Variants in SUOX observed in about 807,000 individuals in gnomAD.
SUOX encodes sulfite oxidase, mitochondrial.
SUOX carries 39 observed loss-of-function variants against 41.9 expected under a neutral mutation model. That is an observed-to-expected ratio of 0.93 (90% CI 0.72 to 1.21). The LOEUF is 1.21. Among genes scored for constraint, SUOX ranks in the 50% most tolerant of loss-of-function variants. The pLI, the probability that SUOX is intolerant of heterozygous loss-of-function variation, is 0.00. For synonymous variants in SUOX, 220 were observed against 268.4 expected (o/e 0.82, Z 1.76); for missense variants, 633 against 689.5 (o/e 0.92, Z 0.92).
At chr12:56,002,344 C>A in intron 3 of SUOX, 73 bp downstream of exon 3, 1 of 1,560,604 alleles carries the variant, frequency 6.4e-7, no homozygotes, top group Non-Finnish European at 8.8e-7. Flanking sequence ...CAATGTCATA[C>A]CTTGCAAATA....
At position 56,003,690 on chromosome 12, in the gene SUOX, T is replaced by G. The variant is rs753574935; in HGVS notation, c.301T>G (p.Trp101Gly). ...SSHTSPETGI[W>G]VTLGSEVFDV... The stretch of plus-strand genomic sequence containing the variant: ...CCACACCAGCCCTGAGACTGGGATC[T>G]GGGTGACTCTGGGCTCTGAGGTCTT... Residue 101 changes from tryptophan (W) to glycine (G), a missense_variant, in exon 5 of 5, where the codon TGG becomes GGG. Trp to Gly is a radical substitution (Grantham distance 184). Transcript: ENST00000266971. The G allele has an allele frequency of 6.2e-7, 1 of 1,613,464 alleles. No homozygotes were observed. The highest frequency in any genetic ancestry group is 1.1e-5 in the South Asian group (1 of 91,028).
Position 56,005,508 on chromosome 12 carries a change from G to T in SUOX, c.*481G>T, listed in dbSNP as rs1372610066. ...TATAGTTCTACTTTTCTAATAAATA[G>T]TCTGTTTAAGATCATAACTCTTGGG... On this transcript the variant is annotated 3_prime_UTR_variant, in exon 5 of 5. Coordinates refer to ENST00000266971, the MANE Select transcript of SUOX (RefSeq NM_001032386.2). 1 of 341,938 alleles carries T rather than the reference G, an allele frequency of 2.9e-6. No homozygotes were observed. The highest frequency in any genetic ancestry group is 5.3e-6 in the Non-Finnish European group (1 of 188,690). The allele number at this position is 341,938 out of a possible 1,614,324, so 21.2% of individuals were successfully genotyped here.
chr12:56,003,314 T>A (rs894663390), intron 4 of SUOX, among the ~76,000 whole-genome samples: 2 of 150,836 alleles, frequency 1.3e-5, no homozygotes, highest in South Asian at 4.2e-4. Context: ...CAGGCTGGAG[T>A]GCAATGGCAT....
chr12:56,002,579 C>T lies in SUOX; in HGVS notation c.87C>T (p.Ala29=), dbSNP rs1890572848. The change falls in exon 4 of 5, where the codon GCC becomes GCT. Residue 29 remains alanine, a synonymous_variant. Transcript: ENST00000266971. The part of the protein sequence containing the change: ...KSIPSRICIQ[A]CSTNDSFQPQ... The stretch of plus-strand genomic sequence containing the variant: ...TCCCCTCAAGGATCTGCATTCAGGC[C>T]TGCTCCACAAATGATTCATTTCAGC... 3.7e-6 allele frequency: 6 copies of T among 1,614,172 alleles called. No individual in the cohort carries two copies. The highest frequency in any genetic ancestry group is 5.1e-6 in the Non-Finnish European group (6 of 1,180,044).
At chr12:56,003,103 A>C in intron 4 of SUOX, 1 of 297,702 alleles carries the variant, frequency 3.4e-6, no homozygotes, top group Non-Finnish European at 6.5e-6. Context: ...CCAGGCTGTG[A>C]CCCATGTTCT....
Position 56,004,494 on chromosome 12 carries a change from G to T in SUOX, c.1105G>T (p.Val369Phe), listed in dbSNP as rs1890663593. 2 of 1,614,044 alleles carry T rather than the reference G, an allele frequency of 1.2e-6. No individual in the cohort carries two copies. Among genetic ancestry groups the T allele is most frequent in the Non-Finnish European group, 1.7e-6 (2 of 1,180,044 alleles). Residue 369 changes from valine to phenylalanine, a missense_variant, in exon 5 of 5, where the codon GTT becomes TTT. Transcript: ENST00000266971. This position sits in a 1 kb window ranked among gnomAD's most constrained non-coding sequence, Gnocchi z 4.5. ...RDHGFPVRVV[V>F]PGVVGARHVK... ...CCACGGCTTCCCTGTGCGTGTGGTG[G>T]TTCCTGGAGTGGTGGGTGCCCGCCA...
chr12:56,003,880 A>T lies in SUOX; in HGVS notation c.491A>T (p.Asp164Val). 6.2e-7 allele frequency: 1 copy of T among 1,614,038 alleles called. No individual in the cohort carries two copies. Among genetic ancestry groups the T allele is most frequent in the Non-Finnish European group, 8.5e-7 (1 of 1,180,008 alleles). Residue 164 changes from aspartate to valine, a missense_variant, in exon 5 of 5, where the codon GAC (aspartate) becomes GTC (valine). Transcript: ENST00000266971. ...QYKIGELNPE[D>V]KVAPTVETSD... is the part of the protein sequence containing the mutation. ...AAGATTGGGGAGCTGAATCCTGAAG[A>T]CAAGGTAGCCCCCACCGTGGAGACC...
chr12:56,002,745 T>C (rs766695215), intron 4 of SUOX, 25 bp downstream of exon 4: 1 of 1,613,468 alleles, frequency 6.2e-7, no homozygotes, highest in Non-Finnish European at 8.5e-7. Context: ...TGCTTCATTG[T>C]CAGAACAGAC....
rs759482776 is a variant in SUOX at position 56,005,244 on chromosome 12, T to TAGAA, written c.*217_*218insAGAA. 2.2e-4 allele frequency: 138 copies of TAGAA among 619,406 alleles called. No homozygotes were observed. The highest frequency in any genetic ancestry group is 2.6e-4 in the Non-Finnish European group (92 of 349,820). 38.4% of individuals were successfully genotyped at this position (619,406 alleles called of 1,614,324 possible). A position where few individuals can be genotyped will look rare whatever the true frequency, so the allele number is the denominator to read the frequency against. On this transcript the variant is annotated 3_prime_UTR_variant, in exon 5 of 5. Coordinates refer to ENST00000266971, the MANE Select transcript of SUOX (RefSeq NM_001032386.2). ...TGAACCTGTGCCAGGAAGTGTGAGC[T>TAGAA]GTTACAGCAAGGGGCTAGAAGTGAA...
At chr12:55,998,287 A>G (rs1403614756) in intron 2 of SUOX, among the ~76,000 whole-genome samples, 1 of 152,020 alleles carries the variant, frequency 6.6e-6, no homozygotes, top group Non-Finnish European at 1.5e-5. Context: ...TCATGCCTGT[A>G]ATAATCCCAG....
At position 56,003,785 on chromosome 12, in the gene SUOX, C is replaced by G. The variant is rs367680422; in HGVS notation, c.396C>G (p.Pro132=). The G allele has an allele frequency of 8.7e-6, 14 of 1,613,956 alleles. No homozygotes were observed. The African/African-American group carries it at 1.9e-4, about 22-fold the overall frequency. Residue 132 remains proline, a synonymous_variant, in exon 5 of 5, where the codon CCC becomes CCG. Coordinates refer to ENST00000266971, the MANE Select transcript of SUOX (RefSeq NM_001032386.2). ...PSKLMLAAGG[P]LEPFWALYAV... is the part of the protein sequence containing the mutation. ...AGCTGATGCTAGCAGCTGGGGGTCCCCTAGAGCCCTTCTGGGCCCTCTATG... is the reference window on the plus strand; with the variant it reads ...AGCTGATGCTAGCAGCTGGGGGTCCGCTAGAGCCCTTCTGGGCCCTCTATG...
chr12:56,000,219 T>C (rs1367937132), intron 2 of SUOX, among the ~76,000 whole-genome samples: 1 of 152,142 alleles, frequency 6.6e-6, no homozygotes, highest in Non-Finnish European at 1.5e-5. Flanking sequence ...CGGGGAGGCT[T>C]AGGCCCCACA....
chr12:56,002,809 T>C (rs769633817), intron 4 of SUOX, 89 bp downstream of exon 4: 1 of 1,527,722 alleles, frequency 6.5e-7, no homozygotes, highest in South Asian at 1.1e-5. Flanking sequence ...CCAAGGTGGG[T>C]GGGTCACTTG....
rs1351864011 is a variant in SUOX at position 56,004,922 on chromosome 12, G to T, written c.1533G>T (p.Val511=). ...AACTGAACATTGTTTGTAAGGCTGT[G>T]GATGATGGTTACAATGTGCAGCCAG... ...QKELNIVCKA[V]DDGYNVQPDT... Residue 511 remains valine, a synonymous_variant, in exon 5 of 5, where the codon GTG becomes GTT. Coordinates refer to ENST00000266971, the MANE Select transcript of SUOX (RefSeq NM_001032386.2). This position sits in a 1 kb window ranked among gnomAD's most constrained non-coding sequence, Gnocchi z 4.5. 1.1e-5 allele frequency: 18 copies of T among 1,614,080 alleles called. No individual in the cohort carries two copies. Among genetic ancestry groups the T allele is most frequent in the Non-Finnish European group, 1.5e-5 (18 of 1,180,052 alleles).
Position 56,002,679 on chromosome 12 carries a change from G to A in SUOX, c.187G>A (p.Gly63Ser), listed in dbSNP as rs188853673. Reference sequence around the variant, plus strand: ...ATGGAGAGTCATGGGGACCCTATTAGGTCTCGGTGCAGTGTTGGCCTATCA... The same window carrying A: ...ATGGAGAGTCATGGGGACCCTATTAAGTCTCGGTGCAGTGTTGGCCTATCA... ...QGWRVMGTLLGLGAVLAYQDH... is the reference protein window; with the variant it reads ...QGWRVMGTLLSLGAVLAYQDH... Residue 63 changes from glycine to serine, a missense_variant, in exon 4 of 5, where the codon GGT (glycine) becomes AGT (serine). By Grantham distance (56) the Gly-to-Ser change is moderately conservative. Transcript: ENST00000266971. 7.4e-6 allele frequency: 12 copies of A among 1,614,132 alleles called. No individual in the cohort carries two copies. The East Asian group carries it at 2.7e-4, about 36-fold the overall frequency.
At chr12:55,999,781 G>A (rs939952934) in intron 2 of SUOX, among the ~76,000 whole-genome samples, 3 of 152,164 alleles carry the variant, frequency 2.0e-5, no homozygotes, top group Non-Finnish European at 2.9e-5. Context: ...TGGTAGAGCC[G>A]AGTGGTCTGT....
chr12:56,002,529 G>A lies in SUOX; in HGVS notation c.51-14G>A, dbSNP rs141432255. 547 of 1,614,050 alleles carry A rather than the reference G, an allele frequency of 3.4e-4. No individual in the cohort carries two copies. The highest frequency in any genetic ancestry group is 2.1e-3 in the South Asian group (192 of 91,054). ...CATGACCATACGTGCTACTAAGACC[G>A]ACCTCTCTTCCAGACTCAAGTCAAT... On this transcript the variant is annotated splice_polypyrimidine_tract_variant and intron_variant, in intron 3 of 4. Coordinates refer to ENST00000266971, the MANE Select transcript of SUOX (RefSeq NM_001032386.2).
chr12:56,002,138 C>T (rs754989747), intron 2 of SUOX, 74 bp from the exon 3 acceptor site: 2 of 1,588,228 alleles, frequency 1.3e-6, no homozygotes, highest in Non-Finnish European at 1.7e-6. Context: ...CTTCCTCTCA[C>T]CCATTCCCTT....
intron 4 of SUOX, chr12:56,002,984 G>C (rs1689510): frequency 0.26 from 102,631 of 392,992 alleles, 15,574 homozygotes; most frequent in Non-Finnish European, 0.31. Context: ...CCAAGATCAA[G>C]ATCAGGCCAC....
Sources: allele counts gnomAD v4.1 joint callset (sites outside exome capture counted in the v4.1 genomes callset), GRCh38; gene constraint gnomAD v4.1.1; non-coding constraint Gnocchi (gnomAD v3.1); transcripts MANE v1.5; gene names NCBI Gene and HGNC (gene_info 2026-07-23, HGNC 2026-07-21).